The following MLPH variants were observed in gnomAD, a reference collection of about 807,000 sequenced individuals.
The protein encoded by MLPH is exophilin-3.
A neutral mutation model predicts 72.1 loss-of-function variants in MLPH; 51 were observed. The observed-to-expected ratio is 0.71, with a 90% CI of 0.56 to 0.89. MLPH has a LOEUF of 0.89. Among genes scored for constraint, MLPH ranks in the 40% least tolerant of loss-of-function variants. The probability of loss-of-function intolerance (pLI) is 0.00; values close to 1 mark genes in which losing one functional copy is unlikely to be tolerated. For missense variants in MLPH, 743 were observed against 759.9 expected, an observed-to-expected ratio of 0.98 and a Z score of 0.26; for synonymous variants, 301 against 310.1, an observed-to-expected ratio of 0.97 and a Z score of 0.31.
chr2:237,516,997 G>GTGGA (rs4053461), intron 4 of MLPH, among the ~76,000 whole-genome samples: 2,886 of 130,784 alleles, frequency 0.022, 45 homozygotes, highest in East Asian at 0.033. Context: ...TGGTAGGTGA[G>GTGGA]TGGATGGATG....
At chr2:237,537,215 C>T (rs944989895) in intron 9 of MLPH, among the ~76,000 whole-genome samples, 3 of 149,374 alleles carry the variant, frequency 2.0e-5, no homozygotes, top group South Asian at 2.1e-4. Flanking sequence ...CTGTCACACA[C>T]GTATGTTGTC....
intron 5 of MLPH, among the ~76,000 whole-genome samples, chr2:237,518,977 G>A (rs986706197): frequency 6.6e-6 from 1 of 152,216 alleles, no homozygotes; most frequent in African/African-American, 2.4e-5. Context: ...GGGTCCTGGA[G>A]GGCTCTCGAG....
chr2:237,539,276 G>C (rs1023200951), intron 9 of MLPH, among the ~76,000 whole-genome samples: 2 of 152,198 alleles, frequency 1.3e-5, no homozygotes, highest in South Asian at 4.1e-4. Context: ...TGGTCGAACC[G>C]GAGAGCAGCG....
At chr2:237,504,277 C>A (rs1482431776) in intron 2 of MLPH, among the ~76,000 whole-genome samples, 1 of 152,086 alleles carries the variant, frequency 6.6e-6, no homozygotes, top group Non-Finnish European at 1.5e-5. Flanking sequence ...AGTGCAGTGG[C>A]GCAATCTCAG....
At position 237,510,317 on chromosome 2, in the gene MLPH, C is replaced by T. The variant is rs2079863040; in HGVS notation, c.111-257C>T. On this transcript the variant is annotated intron_variant, in intron 2 of 15. Transcript: ENST00000264605. This position sits in a 1 kb window ranked among gnomAD's most constrained non-coding sequence, Gnocchi z 4.4. ...AAACAGCCACAGAAATGCTTAAATG[C>T]AATATCATTTCTATGAAATTAACGT... 1 of 553,588 alleles carries T rather than the reference C, an allele frequency of 1.8e-6. No individual in the cohort carries two copies. The highest frequency in any genetic ancestry group is 3.3e-6 in the Non-Finnish European group (1 of 306,632). 34.3% of individuals were successfully genotyped at this position (553,588 alleles called of 1,614,324 possible).
intron 2 of MLPH, among the ~76,000 whole-genome samples, chr2:237,495,244 G>A (rs140124897): frequency 3.0e-4 from 45 of 152,204 alleles, no homozygotes; most frequent in African/African-American, 8.2e-4. Context: ...GGAACTGCCC[G>A]TATCATCCAG....
At chr2:237,545,110 AGGGGGGACCAGT>A in intron 12 of MLPH, among the ~76,000 whole-genome samples, 2 of 122 alleles carry the variant, frequency 0.016, 1 homozygote, top group Non-Finnish European at 0.026. Flanking sequence ...ACTAATTGTG[AGGGGGGACCAGT>A]GTTGAGTGGG....
chr2:237,508,142 C>T lies in MLPH; in HGVS notation c.111-2432C>T, dbSNP rs1361143135. Reference sequence around the variant, plus strand: ...TTTTCTTTTTTTTGAGACAGAATCTCACTCTGTCACCCACGCTGGAGTGCA... The same window carrying T: ...TTTTCTTTTTTTTGAGACAGAATCTTACTCTGTCACCCACGCTGGAGTGCA... On this transcript the variant is annotated intron_variant, in intron 2 of 15. Coordinates refer to ENST00000264605, the MANE Select transcript of MLPH (RefSeq NM_024101.7). 2.0e-5 allele frequency among the ~76,000 whole-genome samples: 3 copies of T among 151,964 alleles called. No homozygotes were observed. In the South Asian group the frequency reaches 6.2e-4, roughly 32 times the overall value.
rs761703113 is a variant in MLPH at position 237,493,509 on chromosome 2, T to C, written c.83T>C (p.Leu28Pro). The C allele has an allele frequency of 1.2e-6, 2 of 1,613,816 alleles. No individual in the cohort carries two copies. Among genetic ancestry groups the C allele is most frequent in the East Asian group, 2.2e-5 (1 of 44,866 alleles). Residue 28 changes from leucine to proline, a missense_variant, in exon 2 of 16, where the codon CTC becomes CCC. Leu to Pro is a moderately conservative substitution (Grantham distance 98). Coordinates refer to ENST00000264605, the MANE Select transcript of MLPH (RefSeq NM_024101.7). ...GAAGTTGTTCAACGAGATTTTGACC[T>C]CCGAAGGAAAGAAGAGGAACGGCTA... is the stretch of plus-strand genomic sequence containing the variant. The part of the protein sequence containing the change: ...VLEVVQRDFD[L>P]RRKEEERLEA...
chr2:237,536,541 C>T (rs574287812), intron 9 of MLPH, among the ~76,000 whole-genome samples: 4 of 152,296 alleles, frequency 2.6e-5, no homozygotes, highest in African/African-American at 4.8e-5. Context: ...TTGCTTCCCA[C>T]GGGATGCCTC....
At chr2:237,551,568 A>G (rs1224392029) in intron 14 of MLPH, among the ~76,000 whole-genome samples, 2 of 151,998 alleles carry the variant, frequency 1.3e-5, no homozygotes. Flanking sequence ...GGACACCAAC[A>G]CTCAACTAGG....
intron 1 of MLPH, among the ~76,000 whole-genome samples, chr2:237,488,682 G>C (rs1004139133): frequency 6.6e-6 from 1 of 152,192 alleles, no homozygotes; most frequent in Non-Finnish European, 1.5e-5. Context: ...GCACACACAT[G>C]GGGAGTCAGT....
intron 2 of MLPH, among the ~76,000 whole-genome samples, chr2:237,499,972 C>T (rs925135658): frequency 6.6e-6 from 1 of 152,134 alleles, no homozygotes; most frequent in African/African-American, 2.4e-5. Context: ...TCTTGAACTC[C>T]TGGGCTCAAG....
At chr2:237,494,401 G>C (rs1174764444) in intron 2 of MLPH, among the ~76,000 whole-genome samples, 2 of 152,106 alleles carry the variant, frequency 1.3e-5, no homozygotes, top group African/African-American at 4.8e-5. Flanking sequence ...AGATGTAACA[G>C]GTGGGGGGCA....
In MLPH at chr2:237,553,635, C is replaced by G. The variant is rs1559384202; in HGVS notation, c.*43C>G. On this transcript the variant is annotated 3_prime_UTR_variant, in exon 16 of 16. Transcript: ENST00000264605. ...ACAGAGCAGCCCTGCACTGTTTTCC[C>G]TCCACCACAGCCATCCTGTCCCTCA... is the stretch of plus-strand genomic sequence containing the variant. 10 of 1,613,980 alleles carry G rather than the reference C, an allele frequency of 6.2e-6. No homozygotes were observed. The highest frequency in any genetic ancestry group is 1.7e-4 in the Middle Eastern group (1 of 6,050).
chr2:237,527,771 C>T, intron 8 of MLPH: 1 of 529,654 alleles, frequency 1.9e-6, no homozygotes, highest in Non-Finnish European at 3.4e-6. Flanking sequence ...AACAATTCCA[C>T]TTCTTGGTAT....
intron 2 of MLPH, among the ~76,000 whole-genome samples, chr2:237,496,718 G>A (rs546286354): frequency 1.3e-5 from 2 of 152,220 alleles, no homozygotes; most frequent in Admixed American, 6.5e-5. Context: ...TGTGATTAGG[G>A]GGGGGCTTGT....
At chr2:237,501,889 T>TA (rs2079659590) in intron 2 of MLPH, among the ~76,000 whole-genome samples, 2 of 152,176 alleles carry the variant, frequency 1.3e-5, no homozygotes, top group Non-Finnish European at 2.9e-5. Flanking sequence ...GTGTTAAAAC[T>TA]TTTCCGCTCA....
intron 8 of MLPH, among the ~76,000 whole-genome samples, chr2:237,530,986 C>T (rs1459161384): frequency 1.3e-5 from 2 of 152,238 alleles, no homozygotes; most frequent in African/African-American, 4.8e-5. Flanking sequence ...CACTTCATTA[C>T]TCACAGTCAG....
Sources: gnomAD v4.1 joint callset for allele counts (sites outside exome capture counted in the v4.1 genomes callset) on GRCh38, gnomAD v4.1.1 for gene constraint, Gnocchi (gnomAD v3.1) non-coding constraint, MANE v1.5 for transcripts, NCBI Gene and HGNC (gene_info 2026-07-23, HGNC 2026-07-21) for gene names.